The following LY75 variants were observed in gnomAD, a reference collection of about 807,000 sequenced individuals.
LY75 encodes the protein C-type lectin domain family 13 member B.
A neutral mutation model predicts 231.7 loss-of-function variants in LY75; 185 were observed. The ratio of observed to expected loss-of-function variants is 0.80; its 90% CI spans 0.71 to 0.90. The LOEUF (loss-of-function observed/expected upper bound fraction) is 0.90, where lower values mean the gene tolerates loss of function less well. Among genes scored for constraint, LY75 ranks in the 40% least tolerant of loss-of-function variants. The probability of loss-of-function intolerance (pLI) is 0.00; values close to 1 mark genes in which losing one functional copy is unlikely to be tolerated. For missense variants in LY75, 1,947 were observed against 2,050.2 expected (o/e 0.95, Z 0.97); for synonymous variants, 668 against 689.0 (o/e 0.97, Z 0.48).
chr2:159,894,044 A>T lies in LY75; in HGVS notation c.507T>A (p.Cys169Ter). The T allele has an allele frequency of 6.2e-7, 1 of 1,613,794 alleles. No individual in the cohort carries two copies. The highest frequency in any genetic ancestry group is 8.5e-7 in the Non-Finnish European group (1 of 1,179,782). ...TCCCATCAATTAAGAATGGAAATTC[A>T]CAAGGTCTCCCATAAGAGTTCCCAT... ...TRDGNSYGRPCEFPFLIDGTW... is the reference protein window; with the variant it reads ...TRDGNSYGRP The change falls in exon 3 of 35, where the codon TGT becomes TGA. Residue 169 changes from cysteine to a stop codon, truncating the protein, a stop_gained. Coordinates refer to ENST00000263636, the MANE Select transcript of LY75 (RefSeq NM_002349.4). LOFTEE classifies it high-confidence loss of function.
At chr2:159,876,311 A>C (rs959570697) in intron 11 of LY75, among the ~76,000 whole-genome samples, 1 of 152,228 alleles carries the variant, frequency 6.6e-6, no homozygotes, top group African/African-American at 2.4e-5. Flanking sequence ...TGTCTGACAA[A>C]ACATCATGTT....
At chr2:159,848,758 C>G (rs933410858) in intron 23 of LY75, among the ~76,000 whole-genome samples, 1 of 152,066 alleles carries the variant, frequency 6.6e-6, no homozygotes, top group African/African-American at 2.4e-5. Context: ...AGACTCATTT[C>G]GTATATCATG....
chr2:159,823,950 C>G (rs906216639), intron 28 of LY75, among the ~76,000 whole-genome samples: 1 of 152,130 alleles, frequency 6.6e-6, no homozygotes, highest in Admixed American at 6.5e-5. Flanking sequence ...CTGAAGGAAG[C>G]ACTAAACATG....
rs147091910 is a variant in LY75 at position 159,840,775 on chromosome 2, G to A, written c.3461C>T (p.Ala1154Val). ...CCATAAGGAAGAGTTGTGAAGGAGC[G>A]CCTGCACACTGAGGAATGCCTGCTG... Reference protein sequence around the residue: ...PYQQAFLSVQALLHNSSLWIG... With the variant: ...PYQQAFLSVQVLLHNSSLWIG... The change falls in exon 25 of 35, where the codon GCG becomes GTG. Residue 1154 changes from alanine (A) to valine (V), a missense_variant. Ala to Val is a moderately conservative substitution (Grantham distance 64). Coordinates refer to ENST00000263636, the MANE Select transcript of LY75 (RefSeq NM_002349.4). 1.1e-3 allele frequency: 1,754 copies of A among 1,614,024 alleles called. 3 individuals are homozygous for A. The highest frequency in any genetic ancestry group is 1.3e-3 in the Non-Finnish European group (1,557 of 1,179,956).
intron 4 of LY75, among the ~76,000 whole-genome samples, chr2:159,887,931 T>A (rs1685643114): frequency 6.6e-6 from 1 of 152,184 alleles, no homozygotes; most frequent in Non-Finnish European, 1.5e-5. Flanking sequence ...CAAATGTCAA[T>A]ATTCTAGGAA....
At chr2:159,819,994 T>C (rs997362060) in intron 28 of LY75, 74 bp from the exon 29 acceptor site, 141 of 1,396,474 alleles carry the variant, frequency 1.0e-4, no homozygotes, top group Non-Finnish European at 1.3e-4. Flanking sequence ...AGTTAAGATT[T>C]CAAACTTGAC....
At chr2:159,881,597 T>C (rs1685437199) in intron 7 of LY75, among the ~76,000 whole-genome samples, 1 of 152,112 alleles carries the variant, frequency 6.6e-6, no homozygotes, top group Admixed American at 6.6e-5. Flanking sequence ...CCTTCACAAG[T>C]GAAACAAGGA....
Position 159,815,474 on chromosome 2 carries a change from T to C in LY75, c.4480A>G (p.Lys1494Glu), listed in dbSNP as rs1248940047. Reference sequence around the variant, plus strand: ...CATTTTTCATGTTTCCAAGTTCCTTTTGGATCCAAGAGAACACAATTTCCA... The same window carrying C: ...CATTTTTCATGTTTCCAAGTTCCTTCTGGATCCAAGAGAACACAATTTCCA... ...SPGNCVLLDP[K>E]GTWKHEKCNS... Residue 1494 changes from lysine (K) to glutamate (E), a missense_variant, in exon 31 of 35, where the codon AAA becomes GAA. Lys to Glu is a moderately conservative substitution (Grantham distance 56). Transcript: ENST00000263636. 7 of 1,613,626 alleles carry C rather than the reference T, an allele frequency of 4.3e-6. No individual in the cohort carries two copies. The highest frequency in any genetic ancestry group is 5.1e-6 in the Non-Finnish European group (6 of 1,179,916).
intron 28 of LY75, among the ~76,000 whole-genome samples, chr2:159,829,499 T>A (rs1683582433): frequency 1.3e-5 from 2 of 152,236 alleles, no homozygotes; most frequent in Admixed American, 1.3e-4. Flanking sequence ...AAAAACAAAC[T>A]TCTTTGGGTA....
chr2:159,828,520 A>T (rs1683549022), intron 28 of LY75, among the ~76,000 whole-genome samples: 1 of 152,166 alleles, frequency 6.6e-6, no homozygotes, highest in African/African-American at 2.4e-5. Flanking sequence ...CGATACGGAG[A>T]AATCAGTACT....
intron 3 of LY75, among the ~76,000 whole-genome samples, chr2:159,890,638 C>T (rs542060349): frequency 2.0e-5 from 3 of 152,180 alleles, no homozygotes; most frequent in Admixed American, 1.3e-4. Flanking sequence ...GCTGTGTTTT[C>T]GCCCATGTCC....
chr2:159,846,679 G>A (rs1337301261), intron 23 of LY75, among the ~76,000 whole-genome samples: 1 of 152,058 alleles, frequency 6.6e-6, no homozygotes, highest in African/African-American at 2.4e-5. Flanking sequence ...TTAAAAAATA[G>A]TCAAAATTTA....
At chr2:159,818,919 G>A (rs920492256) in intron 29 of LY75, among the ~76,000 whole-genome samples, 15 of 152,224 alleles carry the variant, frequency 9.9e-5, no homozygotes, top group African/African-American at 3.4e-4. Flanking sequence ...CAGCTTGATT[G>A]AGAAAAAGAT....
At chr2:159,823,847 C>T (rs990142248) in intron 28 of LY75, among the ~76,000 whole-genome samples, 1 of 152,158 alleles carries the variant, frequency 6.6e-6, no homozygotes, top group African/African-American at 2.4e-5. Flanking sequence ...TCCAGCCAAA[C>T]TAAGCTTCAT....
intron 12 of LY75, among the ~76,000 whole-genome samples, chr2:159,872,845 T>G (rs1254282790): frequency 6.6e-6 from 1 of 152,078 alleles, no homozygotes; most frequent in Non-Finnish European, 1.5e-5. Flanking sequence ...GGGGAACTAT[T>G]CCAACAAGAT....
At chr2:159,862,967 C>T (rs1560087547) in intron 14 of LY75, among the ~76,000 whole-genome samples, 1 of 151,920 alleles carries the variant, frequency 6.6e-6, no homozygotes, top group Non-Finnish European at 1.5e-5. Flanking sequence ...ACCTCATCTG[C>T]CCCAGCTCTT....
chr2:159,845,121 T>G (rs1236207051), intron 23 of LY75, among the ~76,000 whole-genome samples: 1 of 152,158 alleles, frequency 6.6e-6, no homozygotes, highest in Non-Finnish European at 1.5e-5. Flanking sequence ...GATGGAACTA[T>G]AAAACTTCAC....
chr2:159,885,577 A>G (rs1022925290), intron 5 of LY75, among the ~76,000 whole-genome samples: 3 of 152,204 alleles, frequency 2.0e-5, no homozygotes, highest in South Asian at 2.1e-4. Context: ...GCCATATTCT[A>G]TGCTTAGTAG....
chr2:159,820,744 T>G (rs1340762624), intron 28 of LY75, among the ~76,000 whole-genome samples: 1 of 152,258 alleles, frequency 6.6e-6, no homozygotes, highest in Non-Finnish European at 1.5e-5. Context: ...ATAACTATTT[T>G]ATTTATTTAA....
Sources: gnomAD v4.1 joint callset for allele counts (sites outside exome capture counted in the v4.1 genomes callset) on GRCh38, gnomAD v4.1.1 for gene constraint, MANE v1.5 for transcripts, NCBI Gene and HGNC (gene_info 2026-07-23, HGNC 2026-07-21) for gene names.